Variants in DLGAP4 observed in about 807,000 individuals in gnomAD.
DLGAP4 encodes disks large-associated protein 4.
DLGAP4 carries 18 observed loss-of-function variants against 86.9 expected under a neutral mutation model. The ratio of observed to expected loss-of-function variants is 0.21; its 90% CI spans 0.14 to 0.31. DLGAP4 has a LOEUF of 0.31. Ranked by LOEUF, DLGAP4 falls within the 10% of genes least tolerant of loss-of-function variation. The pLI is 1.00. For synonymous variants in DLGAP4, 548 were observed against 574.3 expected, an observed-to-expected ratio of 0.95 and a Z score of 0.65; for missense variants, 1,085 against 1,362.6, an observed-to-expected ratio of 0.80 and a Z score of 3.21.
intron 7 of DLGAP4, chr20:36,462,121 C>T (rs1401087472): frequency 2.0e-6 from 2 of 1,009,830 alleles, no homozygotes; most frequent in Non-Finnish European, 2.4e-6. Context: ...ACCCCCATTG[C>T]CCCTGGGCTT....
intron 7 of DLGAP4, among the ~76,000 whole-genome samples, chr20:36,485,607 G>A (rs1353929232): frequency 6.6e-6 from 1 of 152,128 alleles, no homozygotes; most frequent in African/African-American, 2.4e-5. Flanking sequence ...ACCATGGCCA[G>A]CATTGATTTT....
chr20:36,447,864 G>A (rs2033632881), intron 7 of DLGAP4, among the ~76,000 whole-genome samples: 1 of 137,836 alleles, frequency 7.3e-6, no homozygotes, highest in Non-Finnish European at 1.6e-5. Flanking sequence ...GAGGACACAG[G>A]GAGGGGAACA....
In DLGAP4 at chr20:36,474,759, G is replaced by A. The variant is rs896297284; in HGVS notation, c.1649-21946G>A. 3.3e-5 allele frequency among the ~76,000 whole-genome samples: 5 copies of A among 152,092 alleles called. No homozygotes were observed. In the South Asian group the frequency reaches 6.2e-4, roughly 19 times the overall value. On this transcript the variant is annotated intron_variant, in intron 7 of 12. Transcript: ENST00000339266. ...TGTGTGGGAAGGGTGGGGGGTGGAGGGCAGGGATTGGGCTCCTCCCTCCTT... is the reference window on the plus strand; with the variant it reads ...TGTGTGGGAAGGGTGGGGGGTGGAGAGCAGGGATTGGGCTCCTCCCTCCTT...
chr20:36,436,243 C>G lies in DLGAP4; in HGVS notation c.1134C>G (p.Ser378Arg), dbSNP rs2147551581. ...TCAAGGCCATGGGCGACGAGGACAG[C>G]GACGAGTCCGGCGGCAGCCCCAAGC... ...SYIKAMGDED[S>R]DESGGSPKPS... is the part of the protein sequence containing the mutation. Residue 378 changes from serine to arginine, a missense_variant, in exon 4 of 13, where the codon AGC (serine) becomes AGG (arginine). Around this residue, in one of 2 missense-constraint regions of DLGAP4, gnomAD observed 1,082 missense variants for 1,344.1 expected, o/e 0.81. Coordinates refer to ENST00000339266, the MANE Select transcript of DLGAP4 (RefSeq NM_001365621.2). 6.2e-7 allele frequency: 1 copy of G among 1,605,622 alleles called. No individual in the cohort carries two copies. The highest frequency in any genetic ancestry group is 1.1e-5 in the South Asian group (1 of 90,902).
chr20:36,349,475 T>C (rs1555893302), intron 1 of DLGAP4, among the ~76,000 whole-genome samples: 1 of 149,544 alleles, frequency 6.7e-6, no homozygotes, highest in Non-Finnish European at 1.5e-5. Context: ...GAACGTAGCC[T>C]GAAGAGGAGG....
chr20:36,360,222 C>T (rs1215707220), intron 1 of DLGAP4, among the ~76,000 whole-genome samples: 1 of 152,180 alleles, frequency 6.6e-6, no homozygotes, highest in Non-Finnish European at 1.5e-5. Flanking sequence ...TGTCCAAGGT[C>T]ACACAGCTAT....
chr20:36,317,710 C>G (rs1008912198), intron 1 of DLGAP4, among the ~76,000 whole-genome samples: 2 of 152,050 alleles, frequency 1.3e-5, no homozygotes, highest in Admixed American at 6.5e-5. Flanking sequence ...TTCTCTCCAG[C>G]CTCCCCAGTT....
intron 7 of DLGAP4, among the ~76,000 whole-genome samples, chr20:36,450,325 CT>C (rs2033703552): frequency 6.6e-6 from 1 of 152,132 alleles, no homozygotes; most frequent in East Asian, 1.9e-4. Context: ...TGGCGAAACC[CT>C]GTCTCTACTA....
At chr20:36,395,496 C>CTT (rs895734409) in intron 2 of DLGAP4, among the ~76,000 whole-genome samples, 2 of 151,694 alleles carry the variant, frequency 1.3e-5, no homozygotes, top group African/African-American at 4.9e-5. Context: ...TCAGCACTGC[C>CTT]TTTTTTTTAT....
At chr20:36,426,705 T>C (rs2147529072) in intron 2 of DLGAP4, among the ~76,000 whole-genome samples, 1 of 152,216 alleles carries the variant, frequency 6.6e-6, no homozygotes, top group South Asian at 2.1e-4. Context: ...CGCTTAAAGA[T>C]GGTTAAAATG....
At position 36,525,239 on chromosome 20, in the gene DLGAP4, A is replaced by C. The variant is rs1279670707; in HGVS notation, c.2605-612A>C. On this transcript the variant is annotated intron_variant, in intron 11 of 12. Coordinates refer to ENST00000339266, the MANE Select transcript of DLGAP4 (RefSeq NM_001365621.2). ...CTCAAAAAAAAAAAAAAAAAAAAAA[A>C]AAAAAAAAAAAAAAACAAAGAAATC... 2.2e-3 allele frequency among the ~76,000 whole-genome samples: 287 copies of C among 128,918 alleles called. 7 individuals are homozygous for C. Among genetic ancestry groups the C allele is most frequent in the African/African-American group, 8.4e-3 (276 of 32,678 alleles). The allele number at this position is 128,918 out of a possible 152,430, so 84.6% of individuals were successfully genotyped here.
At chr20:36,505,289 C>T (rs766788821) in intron 10 of DLGAP4, among the ~76,000 whole-genome samples, 29 of 152,008 alleles carry the variant, frequency 1.9e-4, no homozygotes, top group African/African-American at 6.8e-4. Flanking sequence ...GCCTGGCTGA[C>T]GCACAAAGGT....
intron 7 of DLGAP4, among the ~76,000 whole-genome samples, chr20:36,469,526 G>A (rs940668225): frequency 1.3e-5 from 2 of 152,182 alleles, no homozygotes; most frequent in African/African-American, 4.8e-5. Flanking sequence ...GCTGAGGCGG[G>A]CGGATCACCT....
At chr20:36,448,842 G>A (rs2033664193) in intron 7 of DLGAP4, among the ~76,000 whole-genome samples, 1 of 152,126 alleles carries the variant, frequency 6.6e-6, no homozygotes, top group African/African-American at 2.4e-5. Flanking sequence ...GCTGAGGTAT[G>A]AGAATTGCTT....
intron 1 of DLGAP4, among the ~76,000 whole-genome samples, chr20:36,354,187 C>T (rs569171021): frequency 1.2e-4 from 19 of 152,270 alleles, no homozygotes; most frequent in Non-Finnish European, 2.5e-4. Context: ...CCTGCAGCTC[C>T]ACCCCTGGCC....
chr20:36,460,791 C>T (rs970666194), intron 7 of DLGAP4, among the ~76,000 whole-genome samples: 1 of 152,216 alleles, frequency 6.6e-6, no homozygotes, highest in Non-Finnish European at 1.5e-5. Context: ...ACTTTGCCCT[C>T]CATGAGATCG....
At chr20:36,525,651 C>CCCAAAGAT in intron 11 of DLGAP4, 200 bp from the exon 12 acceptor site, 1 of 664,426 alleles carries the variant, frequency 1.5e-6, no homozygotes, top group East Asian at 2.7e-5. Flanking sequence ...TAGACTATCC[C>CCCAAAGAT]CCAAAGATCC....
intron 7 of DLGAP4, among the ~76,000 whole-genome samples, chr20:36,450,250 C>A (rs1216237234): frequency 6.6e-6 from 1 of 152,166 alleles, no homozygotes; most frequent in Non-Finnish European, 1.5e-5. Flanking sequence ...GTAATCCCAG[C>A]ACTTTGGGAG....
At chr20:36,441,975 T>C (rs2033459642) in intron 5 of DLGAP4, among the ~76,000 whole-genome samples, 1 of 152,126 alleles carries the variant, frequency 6.6e-6, no homozygotes, top group South Asian at 2.1e-4. Context: ...CCCAGTTCTC[T>C]CCTAGTCCAG....
Sources: gnomAD v4.1 joint callset for allele counts (sites outside exome capture counted in the v4.1 genomes callset) on GRCh38, gnomAD v4.1.1 for gene constraint, gnomAD v4.1.1 regional missense constraint, MANE v1.5 for transcripts, NCBI Gene and HGNC (gene_info 2026-07-23, HGNC 2026-07-21) for gene names.